PTPRC: variants seen among roughly 807,000 people sequenced by gnomAD.
PTPRC encodes the protein receptor-type tyrosine-protein phosphatase C.
PTPRC carries 44 observed loss-of-function variants against 155.9 expected under a neutral mutation model. The ratio of observed to expected loss-of-function variants is 0.28; its 90% CI spans 0.22 to 0.36. The LOEUF (loss-of-function observed/expected upper bound fraction) is 0.36. PTPRC is among the 10% of genes least tolerant of loss of function. PTPRC has a pLI of 1.00. For synonymous variants in PTPRC, 525 were observed against 533.1 expected (o/e 0.98, Z 0.21); for missense variants, 1,401 against 1,564.6 (o/e 0.90, Z 1.76).
intron 2 of PTPRC, among the ~76,000 whole-genome samples, chr1:198,683,968 A>C (rs1365704539): frequency 1.3e-5 from 2 of 151,954 alleles, no homozygotes; most frequent in Admixed American, 1.3e-4. Flanking sequence ...CTATGCTTTT[A>C]ATATATTAAC....
intron 2 of PTPRC, among the ~76,000 whole-genome samples, chr1:198,662,477 T>TGA (rs1401065336): frequency 1.2e-4 from 7 of 59,446 alleles, no homozygotes; most frequent in East Asian, 2.3e-3. Flanking sequence ...TGTGTGTGTG[T>TGA]GAGAGTGTGT....
intron 2 of PTPRC, among the ~76,000 whole-genome samples, chr1:198,654,170 GTAACTC>G (rs1444455079): frequency 2.0e-5 from 3 of 151,804 alleles, no homozygotes; most frequent in Non-Finnish European, 4.4e-5. Flanking sequence ...AATATTAAGA[GTAACTC>G]TAAAATGTAT....
At chr1:198,660,470 C>G (rs936127564) in intron 2 of PTPRC, among the ~76,000 whole-genome samples, 1 of 109,622 alleles carries the variant, frequency 9.1e-6, no homozygotes, top group Non-Finnish European at 1.8e-5. Flanking sequence ...ATAAACACAC[C>G]CAAATATATG....
intron 3 of PTPRC, chr1:198,693,179 T>G (rs1050857734): frequency 1.1e-6 from 1 of 911,524 alleles, no homozygotes; most frequent in African/African-American, 1.8e-5. Flanking sequence ...ATGAATATTT[T>G]TGTCATTAAA....
rs1168617371 is a variant in PTPRC at position 198,704,350 on chromosome 1, G to T, written c.659-122G>T. The stretch of plus-strand genomic sequence containing the variant: ...GTACTAGGCAAATCCTTCATATTCT[G>T]TTAAATCTAACTAGATAGACTTTAT... On this transcript the variant is annotated intron_variant, in intron 7 of 32. Transcript: ENST00000442510. 2.6e-6 allele frequency: 4 copies of T among 1,529,332 alleles called. No individual in the cohort carries two copies. In the African/African-American group the frequency reaches 4.2e-5, roughly 16 times the overall value. The allele number at this position is 1,529,332 out of a possible 1,614,324, so 94.7% of individuals were successfully genotyped here. A position where few individuals can be genotyped will look rare whatever the true frequency, so the allele number is the denominator to read the frequency against.
intron 5 of PTPRC, among the ~76,000 whole-genome samples, chr1:198,701,153 A>G (rs1666440657): frequency 6.6e-6 from 1 of 152,172 alleles, no homozygotes; most frequent in Non-Finnish European, 1.5e-5. Context: ...TATGTTGTTT[A>G]TTCTATTCTA....
At chr1:198,693,226 T>C in intron 3 of PTPRC, 6 of 818,630 alleles carry the variant, frequency 7.3e-6, no homozygotes, top group Non-Finnish European at 8.8e-6. Flanking sequence ...CAAATAACCA[T>C]GAAAATAGTA....
intron 15 of PTPRC, among the ~76,000 whole-genome samples, chr1:198,725,001 C>T (rs1209656380): frequency 6.6e-6 from 1 of 152,034 alleles, no homozygotes; most frequent in African/African-American, 2.4e-5. Context: ...GGGATTTCAC[C>T]ATGTTGGTTA....
At chr1:198,697,216 C>T (rs1033800391) in intron 4 of PTPRC, among the ~76,000 whole-genome samples, 12 of 152,140 alleles carry the variant, frequency 7.9e-5, no homozygotes, top group Admixed American at 7.9e-4. Context: ...CTTGGCTTCC[C>T]GCCACCTGGA....
chr1:198,714,737 T>C (rs2102433574), intron 12 of PTPRC, among the ~76,000 whole-genome samples: 1 of 152,364 alleles, frequency 6.6e-6, no homozygotes, highest in South Asian at 2.1e-4. Flanking sequence ...AGGATTATAG[T>C]ATCGTTAAGG....
At chr1:198,669,719 A>AT (rs1664538096) in intron 2 of PTPRC, among the ~76,000 whole-genome samples, 1 of 152,154 alleles carries the variant, frequency 6.6e-6, no homozygotes, top group Non-Finnish European at 1.5e-5. Context: ...TGAAGAACAT[A>AT]TTTTTTGTGC....
At chr1:198,672,739 T>C (rs1332343029) in intron 2 of PTPRC, among the ~76,000 whole-genome samples, 1 of 152,040 alleles carries the variant, frequency 6.6e-6, no homozygotes, top group Non-Finnish European at 1.5e-5. Context: ...CTACCAATCT[T>C]GGCTACCCAA....
Position 198,699,717 on chromosome 1 carries a change from T to C in PTPRC, c.439+13T>C, listed in dbSNP as rs772835772. ...AATGCTATCTCAGGTTTGCGGGTCC[T>C]TTAGACTTGTGCAAATATGAAAAGT... On this transcript the variant is annotated intron_variant, in intron 5 of 32. Coordinates refer to ENST00000442510, the MANE Select transcript of PTPRC (RefSeq NM_002838.5). The C allele has an allele frequency of 1.5e-5, 25 of 1,614,040 alleles. No individual in the cohort carries two copies. In the Admixed American group the frequency reaches 3.8e-4, roughly 25 times the overall value.
At chr1:198,663,174 C>T (rs1260360442) in intron 2 of PTPRC, among the ~76,000 whole-genome samples, 1 of 152,216 alleles carries the variant, frequency 6.6e-6, no homozygotes. Flanking sequence ...ACCACCACTT[C>T]TGTGTAATTT....
intron 20 of PTPRC, among the ~76,000 whole-genome samples, chr1:198,733,161 G>T (rs1236077389): frequency 6.6e-6 from 1 of 151,470 alleles, no homozygotes; most frequent in African/African-American, 2.4e-5. Context: ...TATTACATAG[G>T]TTAAATAATT....
intron 2 of PTPRC, among the ~76,000 whole-genome samples, chr1:198,659,568 T>TC (rs1663821181): frequency 1.3e-5 from 2 of 151,912 alleles, no homozygotes; most frequent in African/African-American, 4.8e-5. Context: ...CTTTTTTTTT[T>TC]TCATTGCCCA....
chr1:198,682,395 C>G (rs1179825235), intron 2 of PTPRC, among the ~76,000 whole-genome samples: 2 of 152,046 alleles, frequency 1.3e-5, no homozygotes, highest in African/African-American at 4.8e-5. Flanking sequence ...GGTGGACTCC[C>G]TATAATCTAG....
intron 14 of PTPRC, among the ~76,000 whole-genome samples, chr1:198,718,862 A>G (rs1653734850): frequency 1.3e-5 from 2 of 152,140 alleles, no homozygotes; most frequent in African/African-American, 4.8e-5. Context: ...TTTTCAAAAT[A>G]CAGTTTTAAA....
In PTPRC at chr1:198,678,198, C is replaced by CAA. The variant is rs565334555; in HGVS notation, c.74-14149_74-14148insAA. ...TTATTGTTCTTCTATAAACTAACTA[C>CAA]TGTGTAGGATACAAGGGATGCTGAT... On this transcript the variant is annotated intron_variant, in intron 2 of 32. Coordinates refer to ENST00000442510, the MANE Select transcript of PTPRC (RefSeq NM_002838.5). Among the ~76,000 whole-genome samples the CAA allele has an allele frequency of 2.4e-3, 361 of 152,266 alleles. 1 individual carries two copies. Among genetic ancestry groups the CAA allele is most frequent in the African/African-American group, 8.4e-3 (350 of 41,554 alleles).
Sources: allele counts gnomAD v4.1 joint callset (sites outside exome capture counted in the v4.1 genomes callset), GRCh38; gene constraint gnomAD v4.1.1; transcripts MANE v1.5; gene names NCBI Gene and HGNC (gene_info 2026-07-23, HGNC 2026-07-21).